TGFA: variants seen among roughly 807,000 people sequenced by gnomAD.
TGFA encodes transforming growth factor alpha.
A neutral mutation model predicts 21.7 loss-of-function variants in TGFA; 12 were observed. The ratio of observed to expected loss-of-function variants is 0.55; its 90% CI spans 0.35 to 0.90. The LOEUF is 0.90. Ranked by LOEUF, TGFA falls within the 40% of genes least tolerant of loss-of-function variation. The pLI is 0.01. For missense variants in TGFA, 178 were observed against 210.8 expected (o/e 0.84, Z 0.96); for synonymous variants, 79 against 88.1 (o/e 0.90, Z 0.58).
chr2:70,504,433 A>AATATATATATATATATATATATAT (rs200901290), intron 2 of TGFA, among the ~76,000 whole-genome samples: 23 of 62,436 alleles, frequency 3.7e-4, no homozygotes, highest in Non-Finnish European at 5.5e-4. Flanking sequence ...AAACAAAACA[A>AATATATATATATATATATATATAT]ATATATATAT....
chr2:70,549,535 C>T (rs1553506476), intron 1 of TGFA, among the ~76,000 whole-genome samples: 2 of 152,280 alleles, frequency 1.3e-5, no homozygotes, highest in Admixed American at 1.3e-4. Context: ...CCAGATCATT[C>T]CAATGTAAGG....
intron 2 of TGFA, among the ~76,000 whole-genome samples, chr2:70,498,871 CCT>C (rs1671654325): frequency 6.6e-6 from 1 of 152,066 alleles, no homozygotes; most frequent in African/African-American, 2.4e-5. Flanking sequence ...AGAGTCCTTC[CCT>C]CTTTTTCCCC....
chr2:70,539,944 C>T (rs1000299384), intron 1 of TGFA, among the ~76,000 whole-genome samples: 2 of 152,168 alleles, frequency 1.3e-5, no homozygotes, highest in African/African-American at 4.8e-5. Context: ...GAGAAGGGGA[C>T]ATGAAAATAG....
At chr2:70,519,875 T>C (rs1672395824) in intron 1 of TGFA, among the ~76,000 whole-genome samples, 1 of 152,236 alleles carries the variant, frequency 6.6e-6, no homozygotes, top group African/African-American at 2.4e-5. Context: ...TTCTAGCCTG[T>C]CACAGCACAG....
chr2:70,459,350 CA>C (rs1308140480), intron 3 of TGFA, among the ~76,000 whole-genome samples: 1 of 152,222 alleles, frequency 6.6e-6, no homozygotes, highest in Non-Finnish European at 1.5e-5. Context: ...CCAGCAATCA[CA>C]ACTGACCTGT....
At chr2:70,457,483 G>C (rs1438747999) in intron 3 of TGFA, among the ~76,000 whole-genome samples, 4 of 151,716 alleles carry the variant, frequency 2.6e-5, no homozygotes, top group Admixed American at 1.3e-4. Flanking sequence ...CCTTTGTATA[G>C]AGTAACATTC....
At chr2:70,544,472 A>G (rs1673230171) in intron 1 of TGFA, among the ~76,000 whole-genome samples, 1 of 152,202 alleles carries the variant, frequency 6.6e-6, no homozygotes, top group Non-Finnish European at 1.5e-5. Flanking sequence ...TAAGATATAA[A>G]TATGAAAAAA....
At chr2:70,540,610 A>G (rs1673107010) in intron 1 of TGFA, among the ~76,000 whole-genome samples, 1 of 152,232 alleles carries the variant, frequency 6.6e-6, no homozygotes, top group Non-Finnish European at 1.5e-5. Flanking sequence ...AGAGTCACAG[A>G]AAATCATTTC....
chr2:70,482,638 A>T (rs58589169), intron 2 of TGFA, among the ~76,000 whole-genome samples: 9,374 of 152,040 alleles, frequency 0.062, 363 homozygotes, highest in Middle Eastern at 0.12. Context: ...TAACCTAAAT[A>T]CTGACTGTTA....
chr2:70,546,350 G>A (rs1673303042), intron 1 of TGFA, among the ~76,000 whole-genome samples: 2 of 152,076 alleles, frequency 1.3e-5, no homozygotes, highest in Non-Finnish European at 2.9e-5. Context: ...GGGTACATGT[G>A]CAGGTTTGTT....
intron 1 of TGFA, among the ~76,000 whole-genome samples, chr2:70,541,868 C>T (rs1384368640): frequency 6.6e-6 from 1 of 152,192 alleles, no homozygotes; most frequent in Non-Finnish European, 1.5e-5. Flanking sequence ...CTAATTATAA[C>T]ACCCTAGGTC....
intron 3 of TGFA, among the ~76,000 whole-genome samples, chr2:70,457,244 G>A (rs1553490710): frequency 1.3e-5 from 2 of 152,178 alleles, no homozygotes; most frequent in Admixed American, 6.5e-5. Context: ...GGGCAGGGGA[G>A]GGCGAGTCAT....
At chr2:70,534,268 G>A (rs1362173260) in intron 1 of TGFA, among the ~76,000 whole-genome samples, 2 of 152,254 alleles carry the variant, frequency 1.3e-5, no homozygotes, top group Admixed American at 6.5e-5. Context: ...AAGTAAGCCA[G>A]CTATTAGCAA....
At position 70,449,815 on chromosome 2, in the gene TGFA, C is replaced by T. The variant is rs934327357; in HGVS notation, c.*1044G>A. The T allele has an allele frequency of 2.7e-5, 5 of 184,042 alleles. No individual in the cohort carries two copies. In the East Asian group the frequency reaches 7.6e-4, roughly 28 times the overall value. 11.4% of individuals were successfully genotyped at this position (184,042 alleles called of 1,614,324 possible). ...ATGGCTCGTGGCTAATGTTCTATTT[C>T]TAAACATACTTACCGAGGGCTCACG... On this transcript the variant is annotated 3_prime_UTR_variant, in exon 6 of 6. Transcript: ENST00000295400.
intron 1 of TGFA, among the ~76,000 whole-genome samples, chr2:70,534,088 C>G (rs569655503): frequency 1.3e-5 from 2 of 152,254 alleles, no homozygotes; most frequent in South Asian, 4.1e-4. Context: ...GTCCACTATT[C>G]GGAGGTACAA....
chr2:70,475,250 T>C (rs1032437319), intron 2 of TGFA, among the ~76,000 whole-genome samples: 1 of 152,166 alleles, frequency 6.6e-6, no homozygotes, highest in African/African-American at 2.4e-5. Flanking sequence ...ACATTATTAT[T>C]AGGAGCAGCT....
intron 3 of TGFA, among the ~76,000 whole-genome samples, chr2:70,458,597 G>A (rs1341654052): frequency 6.6e-6 from 1 of 152,124 alleles, no homozygotes; most frequent in Non-Finnish European, 1.5e-5. Flanking sequence ...ACCCTCCATT[G>A]TGCATCTCAA....
At chr2:70,508,302 G>T (rs1553500500) in intron 2 of TGFA, among the ~76,000 whole-genome samples, 1 of 152,180 alleles carries the variant, frequency 6.6e-6, no homozygotes, top group Admixed American at 6.5e-5. Context: ...AAAATTAGCT[G>T]GGCGTGGTAG....
At chr2:70,454,630 A>G (rs1053516822) in intron 4 of TGFA, among the ~76,000 whole-genome samples, 2 of 152,216 alleles carry the variant, frequency 1.3e-5, no homozygotes, top group African/African-American at 4.8e-5. Flanking sequence ...TCCCTCCAGC[A>G]TGGGACAAGC....
Sources: allele counts gnomAD v4.1 joint callset (sites outside exome capture counted in the v4.1 genomes callset), GRCh38; gene constraint gnomAD v4.1.1; transcripts MANE v1.5; gene names NCBI Gene and HGNC (gene_info 2026-07-23, HGNC 2026-07-21).